PCDH15: variants seen among roughly 807,000 people sequenced by gnomAD.
PCDH15 encodes the protein protocadherin-15.
In PCDH15, 129 loss-of-function variants were observed where a neutral mutation model predicts 178.5. The observed-to-expected ratio is 0.72, with a 90% CI of 0.63 to 0.84. The LOEUF is 0.84. PCDH15 is among the 40% of genes least tolerant of loss of function. The pLI, the probability that PCDH15 is intolerant of heterozygous loss-of-function variation, is 0.00. For missense variants in PCDH15, 2,230 were observed against 2,099.9 expected, an observed-to-expected ratio of 1.06 and a Z score of -1.21; for synonymous variants, 800 against 732.0, an observed-to-expected ratio of 1.09 and a Z score of -1.50.
intron 28 of PCDH15, among the ~76,000 whole-genome samples, chr10:53,844,898 G>A (rs558612562): frequency 4.6e-5 from 7 of 151,920 alleles, no homozygotes; most frequent in African/African-American, 1.7e-4. Flanking sequence ...ACATTAGGCA[G>A]AAAAGCTTTT....
intron 2 of PCDH15, among the ~76,000 whole-genome samples, chr10:55,344,954 T>A (rs1020445974): frequency 6.6e-5 from 10 of 152,064 alleles, no homozygotes; most frequent in African/African-American, 2.4e-4. Context: ...CAATAGTATT[T>A]TATCGACCCT....
intron 2 of PCDH15, among the ~76,000 whole-genome samples, chr10:55,117,321 T>G (rs180675246): frequency 6.6e-6 from 1 of 152,318 alleles, no homozygotes. Flanking sequence ...CATTAGAACC[T>G]GGCTCTAAGT....
chr10:54,718,654 G>T (rs1191107912), intron 1 of PCDH15, among the ~76,000 whole-genome samples: 1 of 147,748 alleles, frequency 6.8e-6, no homozygotes, highest in Non-Finnish European at 1.5e-5. Flanking sequence ...AAAACAGAGT[G>T]CCACAACACT....
intron 5 of PCDH15, among the ~76,000 whole-genome samples, chr10:54,353,743 GTTAAAAATCTTGATTTCA>G (rs1237646491): frequency 6.6e-6 from 1 of 151,766 alleles, no homozygotes; most frequent in Non-Finnish European, 1.5e-5. Flanking sequence ...TCATACCTGT[GTTAAAAATCTTGATTTCA>G]TTAAAAATCT....
At position 54,153,282 on chromosome 10, in the gene PCDH15, G is replaced by C. The variant is rs201215741; in HGVS notation, c.1602C>G (p.Val534=). Residue 534 remains valine (V), a synonymous_variant, in exon 14 of 38, where the codon GTC becomes GTG. Transcript: ENST00000644397. The stretch of plus-strand genomic sequence containing the variant: ...CCCCATTTGACCCTTCGTCTGCGTC[G>C]ACTGCAGTGAGCTGGAATTGAAAAT... ...PGDSVIQLTA[V]DADEGSNGEI... is the part of the protein sequence containing the mutation. 2.8e-5 allele frequency: 45 copies of C among 1,613,510 alleles called. No individual in the cohort carries two copies. Among genetic ancestry groups the C allele is most frequent in the Non-Finnish European group, 3.6e-5 (42 of 1,179,808 alleles).
At chr10:55,003,716 GAT>G (rs1214686419) in intron 2 of PCDH15, among the ~76,000 whole-genome samples, 1 of 152,186 alleles carries the variant, frequency 6.6e-6, no homozygotes, top group African/African-American at 2.4e-5. Flanking sequence ...CGTGTTTTCA[GAT>G]ATGAGTAGCC....
At chr10:53,886,598 T>TG (rs1293448890) in intron 26 of PCDH15, among the ~76,000 whole-genome samples, 1 of 14,396 alleles carries the variant, frequency 6.9e-5, no homozygotes, top group African/African-American at 2.8e-4. Flanking sequence ...TATGCCTCTT[T>TG]TTTTTTTTTT....
In PCDH15 at chr10:55,219,864, G is replaced by A. The variant is rs1435382427; in HGVS notation, c.-155-53213C>T. On this transcript the variant is annotated intron_variant, in intron 1 of 5. Coordinates refer to the PCDH15 transcript ENST00000458638. ...GGTGTTTCACAGAATGTTAGGCCTA[G>A]CGATCCTGATATCAGTCACACACAC... Among the ~76,000 whole-genome samples, 32 of 141,146 alleles carry A rather than the reference G, an allele frequency of 2.3e-4. No homozygotes were observed. The Admixed American group carries it at 2.4e-3, about 11-fold the overall frequency. The allele number at this position is 141,146 out of a possible 152,430, so 92.6% of individuals were successfully genotyped here.
At chr10:54,789,746 G>A (rs766630722) in intron 1 of PCDH15, among the ~76,000 whole-genome samples, 17 of 151,870 alleles carry the variant, frequency 1.1e-4, no homozygotes, top group Non-Finnish European at 2.4e-4. Flanking sequence ...TGACCAAAGT[G>A]CTTATTTGTT....
chr10:54,040,320 G>A lies in PCDH15; in HGVS notation c.2221-17123C>T, dbSNP rs536698597. 4.6e-5 allele frequency among the ~76,000 whole-genome samples: 7 copies of A among 151,988 alleles called. No homozygotes were observed. The East Asian group carries it at 1.4e-3, about 30-fold the overall frequency. ...TCCTCCATACTGTTCTCTTGGTAGT[G>A]AATAAGTCTCATGAGGTCTGGTCTG... is the stretch of plus-strand genomic sequence containing the variant. On this transcript the variant is annotated intron_variant, in intron 18 of 37. Coordinates refer to ENST00000644397, the MANE Select transcript of PCDH15 (RefSeq NM_001384140.1).
chr10:55,219,272 A>C (rs1840799942), intron 1 of PCDH15, among the ~76,000 whole-genome samples: 1 of 151,928 alleles, frequency 6.6e-6, no homozygotes, highest in Non-Finnish European at 1.5e-5. Context: ...GGTCATGATC[A>C]CTATGTATGC....
chr10:54,469,320 C>G (rs931163157), intron 3 of PCDH15, among the ~76,000 whole-genome samples: 1 of 152,156 alleles, frequency 6.6e-6, no homozygotes, highest in Non-Finnish European at 1.5e-5. Context: ...TGGTTTTGAA[C>G]TCCTGACCTC....
intron 32 of PCDH15, chr10:53,820,985 A>G: frequency 5.5e-6 from 3 of 543,370 alleles, no homozygotes; most frequent in Non-Finnish European, 7.0e-6. Flanking sequence ...TACTTTCTTT[A>G]AAAAGGAATC....
chr10:54,370,258 C>G (rs537081655), intron 4 of PCDH15, among the ~76,000 whole-genome samples: 3 of 151,886 alleles, frequency 2.0e-5, no homozygotes. Context: ...GCAACTTTAT[C>G]TCTAAATATG....
At chr10:55,213,229 A>G (rs920549419) in intron 1 of PCDH15, among the ~76,000 whole-genome samples, 2 of 152,080 alleles carry the variant, frequency 1.3e-5, no homozygotes, top group African/African-American at 4.8e-5. Flanking sequence ...AAATATGTGC[A>G]TACATAGGCA....
intron 2 of PCDH15, among the ~76,000 whole-genome samples, chr10:55,328,325 C>A (rs1248372110): frequency 6.6e-6 from 1 of 151,712 alleles, no homozygotes; most frequent in African/African-American, 2.4e-5. Context: ...GTGTGAATAT[C>A]ATTGAGCGTA....
intron 13 of PCDH15, among the ~76,000 whole-genome samples, chr10:54,175,900 T>C (rs1050992015): frequency 2.6e-5 from 4 of 152,156 alleles, no homozygotes; most frequent in African/African-American, 9.7e-5. Context: ...GATAATTACC[T>C]ATGATATAGG....
intron 7 of PCDH15, among the ~76,000 whole-genome samples, chr10:54,317,711 G>A (rs1408437027): frequency 2.6e-5 from 4 of 152,004 alleles, no homozygotes. Context: ...AGCAGAAGTT[G>A]CAGTGAGCCA....
chr10:54,142,647 G>A (rs9651312), intron 14 of PCDH15, among the ~76,000 whole-genome samples: 2,497 of 152,142 alleles, frequency 0.016, 80 homozygotes, highest in African/African-American at 0.057. Context: ...ATAGATAATC[G>A]TAAAAGGCTA....
Sources: gnomAD v4.1 joint callset for allele counts (sites outside exome capture counted in the v4.1 genomes callset) on GRCh38, gnomAD v4.1.1 for gene constraint, MANE v1.5 for transcripts, NCBI Gene and HGNC (gene_info 2026-07-23, HGNC 2026-07-21) for gene names.